LTA: variants seen among roughly 807,000 people sequenced by gnomAD.
LTA encodes the protein lymphotoxin alpha.
A neutral mutation model predicts 15.1 loss-of-function variants in LTA; 6 were observed. That is an observed-to-expected ratio of 0.40 (90% confidence interval 0.22 to 0.78). LTA has a LOEUF of 0.78. Ranked by LOEUF, LTA falls within the 30% of genes least tolerant of loss-of-function variation. LTA has a pLI of 0.38. For missense variants in LTA, 173 were observed against 249.5 expected (o/e 0.69, Z 2.06); for synonymous variants, 87 against 107.3 (o/e 0.81, Z 1.17).
chr6:31,565,163 G>C, the LTA span, among the ~76,000 whole-genome samples: 1 of 152,276 alleles, frequency 6.6e-6, no homozygotes, highest in East Asian at 1.9e-4. Flanking sequence ...GTCGAAGAAA[G>C]AGCAACCTTC....
chr6:31,567,958 A>G (rs1770667617), upstream of LTA, among the ~76,000 whole-genome samples: 1 of 151,842 alleles, frequency 6.6e-6, no homozygotes, highest in Non-Finnish European at 1.5e-5. Context: ...CCTGGTCACT[A>G]TTTTTTGTCA....
chr6:31,571,751 C>T (rs1407210778), upstream of LTA, among the ~76,000 whole-genome samples: 1 of 152,124 alleles, frequency 6.6e-6, no homozygotes, highest in East Asian at 1.9e-4. Context: ...AGGCAAACAC[C>T]AGAATGTCCC....
chr6:31,573,259 C>G (rs1477556378), intron 3 of LTA, 22 bp from the exon 4 acceptor site: 1 of 1,597,396 alleles, frequency 6.3e-7, no homozygotes, highest in East Asian at 2.2e-5. Flanking sequence ...CTCCCACCCC[C>G]ATCCCCTATG....
intron 3 of LTA, 114 bp downstream of exon 3, chr6:31,573,147 A>C: frequency 8.4e-7 from 1 of 1,196,530 alleles, no homozygotes; most frequent in East Asian, 2.5e-5. Flanking sequence ...TAAAAAAAAC[A>C]GAGGGAGCCC....
At chr6:31,563,864 T>C in the LTA span, among the ~76,000 whole-genome samples, 1 of 152,142 alleles carries the variant, frequency 6.6e-6, no homozygotes, top group Non-Finnish European at 1.5e-5. Flanking sequence ...CACCTTGGCC[T>C]CCCAAAGTGC....
At chr6:31,564,743 A>G in the LTA span, among the ~76,000 whole-genome samples, 1 of 19,212 alleles carries the variant, frequency 5.2e-5, no homozygotes, top group Non-Finnish European at 9.7e-5. Context: ...CTATCTCTGG[A>G]AAAAAAAAAA....
the LTA span, among the ~76,000 whole-genome samples, chr6:31,564,474 G>A: frequency 1.3e-5 from 2 of 151,696 alleles, no homozygotes; most frequent in East Asian, 1.9e-4. Context: ...TAGTAGAGAC[G>A]GGGTTTCACC....
At chr6:31,569,391 C>A (rs1412912614), upstream of LTA, among the ~76,000 whole-genome samples, 2 of 151,874 alleles carry the variant, frequency 1.3e-5, no homozygotes, top group African/African-American at 4.8e-5. Flanking sequence ...CAGAAAGAGA[C>A]AACAGGAAGC....
At chr6:31,563,446 T>C in the LTA span, among the ~76,000 whole-genome samples, 1 of 152,144 alleles carries the variant, frequency 6.6e-6, no homozygotes, top group Non-Finnish European at 1.5e-5. Flanking sequence ...AGTAGTATAA[T>C]GGGGAGTCAA....
upstream of LTA, among the ~76,000 whole-genome samples, chr6:31,571,858 G>A (rs1770841281): frequency 1.3e-5 from 2 of 152,096 alleles, no homozygotes; most frequent in African/African-American, 4.8e-5. Context: ...GAGTTGTTTG[G>A]GACAAGGACA....
chr6:31,564,115 G>A, the LTA span, among the ~76,000 whole-genome samples: 34 of 152,284 alleles, frequency 2.2e-4, no homozygotes, highest in African/African-American at 7.9e-4. Context: ...GATCTTGAAG[G>A]CATAATTCTT....
chr6:31,564,310 C>T, the LTA span, among the ~76,000 whole-genome samples: 1 of 152,068 alleles, frequency 6.6e-6, no homozygotes, highest in African/African-American at 2.4e-5. Flanking sequence ...GACGAAGTCT[C>T]GCTCTGTCAC....
chr6:31,567,665 CACACACACACACGCACGCAT>C (rs764952667), upstream of LTA, among the ~76,000 whole-genome samples: 1,124 of 82,470 alleles, frequency 0.014, 19 homozygotes, highest in East Asian at 0.037. Context: ...CACACACACA[CACACACACACACGCACGCAT>C]GCACGCACCA....
chr6:31,571,104 A>G (rs535553226), upstream of LTA, among the ~76,000 whole-genome samples: 1 of 147,770 alleles, frequency 6.8e-6, no homozygotes, highest in East Asian at 2.0e-4. Flanking sequence ...TCTGTCCCCC[A>G]GGCTGGAATA....
chr6:31,560,972 T>A, the LTA span, among the ~76,000 whole-genome samples: 1 of 152,128 alleles, frequency 6.6e-6, no homozygotes, highest in Admixed American at 6.5e-5. Flanking sequence ...GAGGGGAGAT[T>A]AAGTCCATTT....
the LTA span, among the ~76,000 whole-genome samples, chr6:31,563,131 G>T: frequency 6.6e-6 from 1 of 152,142 alleles, no homozygotes; most frequent in East Asian, 1.9e-4. Flanking sequence ...CTGCACTCCA[G>T]CCTGGGCAAC....
At chr6:31,566,879 G>A in the LTA span, among the ~76,000 whole-genome samples, 2 of 152,050 alleles carry the variant, frequency 1.3e-5, no homozygotes, top group African/African-American at 2.4e-5. Context: ...AGCAGAGGTT[G>A]CAGTGAGCTG....
rs3093542 is a variant in LTA at position 31,572,916 on chromosome 6, G to C, written c.100-12G>C. On this transcript the variant is annotated splice_polypyrimidine_tract_variant and intron_variant, in intron 2 of 3. Coordinates refer to ENST00000418386, the MANE Select transcript of LTA (RefSeq NM_000595.4). Reference sequence around the variant, plus strand: ...GAGCCCTAGAGCCCCCCTCAACTCTGTTCTCCCCTAGGGGCTCCCTGGTGT... The same window carrying C: ...GAGCCCTAGAGCCCCCCTCAACTCTCTTCTCCCCTAGGGGCTCCCTGGTGT... 0.03 allele frequency: 48,696 copies of C among 1,611,554 alleles called. 1,317 individuals carry two copies. Among genetic ancestry groups the C allele is most frequent in the African/African-American group, 0.035 (2,627 of 74,844 alleles).
Position 31,573,497 on chromosome 6 carries a change from A to G in LTA, c.422A>G (p.Gln141Arg), listed in dbSNP as rs201957060. The G allele has an allele frequency of 6.2e-7, 1 of 1,614,026 alleles. No homozygotes were observed. Among genetic ancestry groups the G allele is most frequent in the Non-Finnish European group, 8.5e-7 (1 of 1,179,982 alleles). The change falls in exon 4 of 4, where the codon CAG (glutamine) becomes CGG (arginine). Residue 141 changes from glutamine (Q) to arginine (R), a missense_variant. Coordinates refer to ENST00000418386, the MANE Select transcript of LTA (RefSeq NM_000595.4). ...LAHEVQLFSS[Q>R]YPFHVPLLSS... is the part of the protein sequence containing the mutation. ...CATGAGGTCCAGCTCTTCTCCTCCC[A>G]GTACCCCTTCCATGTGCCTCTCCTC... is the stretch of plus-strand genomic sequence containing the variant.
Sources: gnomAD v4.1 joint callset for allele counts (sites outside exome capture counted in the v4.1 genomes callset) on GRCh38, gnomAD v4.1.1 for gene constraint, MANE v1.5 for transcripts, NCBI Gene and HGNC (gene_info 2026-07-23, HGNC 2026-07-21) for gene names.